Variants in ZNF273 observed in about 807,000 individuals in gnomAD.
ZNF273 encodes zinc finger protein 273, also known as zinc finger protein 9.
Under a neutral mutation model 14.9 loss-of-function variants are expected in ZNF273, and 11 were observed. The ratio of observed to expected loss-of-function variants is 0.74; its 90% CI spans 0.46 to 1.22. The LOEUF (loss-of-function observed/expected upper bound fraction) is 1.22. ZNF273 is among the 50% of genes most tolerant of loss of function. ZNF273 has a pLI of 0.00. For synonymous variants in ZNF273, 199 were observed against 223.9 expected, an observed-to-expected ratio of 0.89 and a Z score of 0.99; for missense variants, 577 against 660.6, an observed-to-expected ratio of 0.87 and a Z score of 1.39.
At chr7:64,917,438 G>T in intron 1 of ZNF273, 143 bp from the exon 2 acceptor site, 2 of 1,293,896 alleles carry the variant, frequency 1.5e-6, no homozygotes, top group Non-Finnish European at 1.0e-6. Context: ...TTTCTGTTTT[G>T]AAAATTATTT....
At chr7:64,917,773 A>G in intron 2 of ZNF273, 66 bp downstream of exon 2, 1 of 1,482,934 alleles carries the variant, frequency 6.7e-7, no homozygotes, top group Non-Finnish European at 9.0e-7. Flanking sequence ...GTTTTTTGGA[A>G]ATTTCTGCTT....
At chr7:64,885,874 T>A (rs1791544789) in intron 1 of ZNF273, among the ~76,000 whole-genome samples, 2 of 152,200 alleles carry the variant, frequency 1.3e-5, no homozygotes, top group Non-Finnish European at 2.9e-5. Context: ...CAGATCTTGA[T>A]GCTCTTTTCT....
downstream of ZNF273, chr7:64,893,672 TCCCCACCCC>T (rs1792175137): frequency 1.4e-5 from 1 of 70,902 alleles, no homozygotes; most frequent in Non-Finnish European, 2.7e-5. Context: ...CCCGTCCCCC[TCCCCACCCC>T]TCCCCTCCCC....
At chr7:64,893,682 TCCCCTCCCCCTC>T (rs1366714297), downstream of ZNF273, 1 of 68,320 alleles carries the variant, frequency 1.5e-5, no homozygotes, top group Non-Finnish European at 2.8e-5. Context: ...TCCCCACCCC[TCCCCTCCCCCTC>T]CCCTCCCCCT....
chr7:64,934,937 TATTTA>T (rs1406386125), downstream of ZNF273, among the ~76,000 whole-genome samples: 2 of 152,224 alleles, frequency 1.3e-5, no homozygotes, highest in Non-Finnish European at 2.9e-5. Flanking sequence ...GAATTAGTAC[TATTTA>T]ATTGGTTTAG....
downstream of ZNF273, chr7:64,889,090 G>C (rs930117526): frequency 5.5e-5 from 54 of 985,842 alleles, no homozygotes; most frequent in Non-Finnish European, 6.4e-5. This position sits in a 1 kb window ranked among gnomAD's most constrained non-coding sequence, Gnocchi z 4.2. Flanking sequence ...TTTTGCGGAA[G>C]GCACAGTCCG....
chr7:64,923,151 ACTC>A (rs1256582314), intron 3 of ZNF273, among the ~76,000 whole-genome samples: 1 of 151,266 alleles, frequency 6.6e-6, no homozygotes, highest in Non-Finnish European at 1.5e-5. Flanking sequence ...TTCAAACACT[ACTC>A]TTTTTTTTCT....
downstream of ZNF273, among the ~76,000 whole-genome samples, chr7:64,932,158 G>A (rs1186584384): frequency 2.7e-5 from 4 of 149,606 alleles, no homozygotes; most frequent in African/African-American, 9.9e-5. Flanking sequence ...AGATTGTTAA[G>A]ATAAAAGGCA....
chr7:64,909,909 CTG>C (rs1363109917), intron 1 of ZNF273, among the ~76,000 whole-genome samples: 2 of 151,704 alleles, frequency 1.3e-5, no homozygotes, highest in Admixed American at 1.3e-4. Flanking sequence ...TTGTATCTCA[CTG>C]TGGTTTTTCT....
downstream of ZNF273, among the ~76,000 whole-genome samples, chr7:64,883,214 A>ACACCC (rs755633418): frequency 4.1e-5 from 5 of 121,634 alleles, 1 homozygote; most frequent in Non-Finnish European, 8.6e-5. Context: ...CCAAATCACC[A>ACACCC]CCCCCCCCTC....
At chr7:64,887,085 T>C (rs1231319396) in intron 1 of ZNF273, among the ~76,000 whole-genome samples, 1 of 152,238 alleles carries the variant, frequency 6.6e-6, no homozygotes, top group African/African-American at 2.4e-5. Flanking sequence ...GGGGACCCTA[T>C]GGAGACTACT....
chr7:64,930,229 G>T lies in ZNF273; in HGVS notation c.*1191G>T, dbSNP rs982315107. 2 of 151,254 alleles carry T rather than the reference G, an allele frequency of 1.3e-5. No homozygotes were observed. Among genetic ancestry groups the T allele is most frequent in the Admixed American group, 1.3e-4 (2 of 15,274 alleles). 9.4% of individuals were successfully genotyped at this position (151,254 alleles called of 1,614,324 possible). A position where few individuals can be genotyped will look rare whatever the true frequency, so the allele number is the denominator to read the frequency against. On this transcript the variant is annotated 3_prime_UTR_variant, in exon 4 of 4. Coordinates refer to ENST00000476120, the MANE Select transcript of ZNF273 (RefSeq NM_021148.3). Reference sequence around the variant, plus strand: ...CATGTGATCAACTTGCTGCATCAAAGATATGAGATTTTTTTTTTTATTAGG... The same window carrying T: ...CATGTGATCAACTTGCTGCATCAAATATATGAGATTTTTTTTTTTATTAGG...
chr7:64,895,208 C>G (rs139816449), intron 3 of ZNF273, among the ~76,000 whole-genome samples: 172 of 152,258 alleles, frequency 1.1e-3, no homozygotes, highest in East Asian at 5.8e-3. Flanking sequence ...TTCAAATACA[C>G]TGAAGTCTTG....
At chr7:64,935,008 T>C (rs147276328), downstream of ZNF273, among the ~76,000 whole-genome samples, 168 of 152,320 alleles carry the variant, frequency 1.1e-3, 1 homozygote, top group African/African-American at 3.6e-3. Flanking sequence ...GTTTTAACTT[T>C]TTGGTTAAAC....
chr7:64,936,945 TTTGATG>T, the ZNF273 span, among the ~76,000 whole-genome samples: 1 of 152,218 alleles, frequency 6.6e-6, no homozygotes, highest in Non-Finnish European at 1.5e-5. Context: ...ATAAAAAGCA[TTTGATG>T]TTGTACAGCT....
chr7:64,913,388 G>T (rs1380048759), intron 1 of ZNF273, among the ~76,000 whole-genome samples: 2 of 152,236 alleles, frequency 1.3e-5, no homozygotes, highest in Non-Finnish European at 2.9e-5. Flanking sequence ...AGCTCCCAGG[G>T]TGTTACGAGG....
At chr7:64,891,552 A>G (rs1562950723), downstream of ZNF273, among the ~76,000 whole-genome samples, 1 of 152,214 alleles carries the variant, frequency 6.6e-6, no homozygotes, top group Non-Finnish European at 1.5e-5. Context: ...TCACCCAGAC[A>G]TCGTTGTGGC....
upstream of ZNF273, among the ~76,000 whole-genome samples, chr7:64,901,632 T>C (rs899864999): frequency 2.0e-5 from 3 of 152,222 alleles, no homozygotes; most frequent in Non-Finnish European, 4.4e-5. Context: ...AGTGAGACCC[T>C]CTTTTCTTTT....
At chr7:64,910,704 G>GTT (rs201783105) in intron 1 of ZNF273, among the ~76,000 whole-genome samples, 1 of 143,944 alleles carries the variant, frequency 6.9e-6, no homozygotes, top group Non-Finnish European at 1.5e-5. Flanking sequence ...TTTTAAAATA[G>GTT]TTTTTTTTTC....
Sources: gnomAD v4.1 joint callset for allele counts (sites outside exome capture counted in the v4.1 genomes callset) on GRCh38, gnomAD v4.1.1 for gene constraint, Gnocchi (gnomAD v3.1) non-coding constraint, MANE v1.5 for transcripts, NCBI Gene and HGNC (gene_info 2026-07-23, HGNC 2026-07-21) for gene names.